Variants in MEFV observed in about 807,000 individuals in gnomAD.
The protein encoded by MEFV is pyrin.
A neutral mutation model predicts 62.5 loss-of-function variants in MEFV; 60 were observed. That is an observed-to-expected ratio of 0.96 (90% CI 0.78 to 1.19). The LOEUF (loss-of-function observed/expected upper bound fraction) is 1.19. Ranked by LOEUF, MEFV falls within the 50% of genes most tolerant of loss-of-function variation. MEFV has a pLI of 0.00. For synonymous variants in MEFV, 500 were observed against 415.2 expected (o/e 1.20, Z -2.48); for missense variants, 1,169 against 1,004.5 (o/e 1.16, Z -2.21).
At chr16:3,248,639 G>T in intron 4 of MEFV, 1 of 944,026 alleles carries the variant, frequency 1.1e-6, no homozygotes, top group Non-Finnish European at 1.5e-6. Context: ...CCATCTTTCT[G>T]CAGTAGTCAC....
At chr16:3,255,330 C>G (rs1475158800) in intron 1 of MEFV, among the ~76,000 whole-genome samples, 1 of 151,960 alleles carries the variant, frequency 6.6e-6, no homozygotes, top group South Asian at 2.1e-4. Flanking sequence ...AACAAAAGTT[C>G]AGGACTTCCT....
chr16:3,246,887 G>C (rs921522638), intron 5 of MEFV, 129 bp downstream of exon 5: 30 of 926,774 alleles, frequency 3.2e-5, no homozygotes, highest in Non-Finnish European at 5.0e-5. Flanking sequence ...GGGTCACCAA[G>C]ACCAAGTCCT....
In MEFV at chr16:3,249,726, G is replaced by T. The variant is rs761105176; in HGVS notation, c.965C>A (p.Pro322Gln). ...ATCACGCACACAGGTACCGTCAACT[G>T]GGTCTCCTTCCTGGGCGTGGCAGCG... ...SPRCHAQEGD[P>Q]VDGTCVRDSC... Residue 322 changes from proline to glutamine, a missense_variant, in exon 3 of 10, where the codon CCA (proline) becomes CAA (glutamine). Transcript: ENST00000219596. The T allele has an allele frequency of 6.2e-7, 1 of 1,614,064 alleles. No homozygotes were observed. The highest frequency in any genetic ancestry group is 8.5e-7 in the Non-Finnish European group (1 of 1,179,924).
rs558576646 is a variant in MEFV at position 3,242,972 on chromosome 16, G to A, written c.*169C>T. ...TTCACCCGGATTGACTAACATGTTC[G>A]TTCCTAACTTACCTCTGCTATAATC... On this transcript the variant is annotated 3_prime_UTR_variant, in exon 10 of 10. Coordinates refer to ENST00000219596, the MANE Select transcript of MEFV (RefSeq NM_000243.3). 7.9e-5 allele frequency: 57 copies of A among 717,574 alleles called. No individual in the cohort carries two copies. Among genetic ancestry groups the A allele is most frequent in the African/African-American group, 7.5e-4 (43 of 57,470 alleles). The allele number at this position is 717,574 out of a possible 1,614,324, so 44.5% of individuals were successfully genotyped here.
At position 3,243,866 on chromosome 16, in the gene MEFV, G is replaced by A. The variant is rs2141665451; in HGVS notation, c.1786C>T (p.His596Tyr). The change falls in exon 9 of 10, where the codon CAT (histidine) becomes TAT (tyrosine). Residue 596 changes from histidine to tyrosine, a missense_variant. His to Tyr is a moderately conservative substitution (Grantham distance 83). Coordinates refer to ENST00000219596, the MANE Select transcript of MEFV (RefSeq NM_000243.3). ...NVPELIGAQA[H>Y]AVNVILDAET... ...CCTTGATCTGGGCACTTACCAGCAT[G>A]TGCCTGAGCGCCAATCAGCTCCGGA... 6.2e-7 allele frequency: 1 copy of A among 1,613,956 alleles called. No individual in the cohort carries two copies. Among genetic ancestry groups the A allele is most frequent in the Middle Eastern group, 1.6e-4 (1 of 6,062 alleles).
chr16:3,249,349 C>A (rs1421519765), intron 3 of MEFV, 82 bp downstream of exon 3: 1 of 1,296,262 alleles, frequency 7.7e-7, no homozygotes, highest in East Asian at 2.3e-5. Context: ...CACCAACAAC[C>A]CAGAGTTGTT....
chr16:3,248,613 T>C, intron 4 of MEFV: 1 of 673,558 alleles, frequency 1.5e-6, no homozygotes, highest in East Asian at 4.9e-5. Flanking sequence ...GGCGTTCTCC[T>C]CCCTTTTCCT....
rs549937754 is a variant in MEFV at position 3,242,940 on chromosome 16, A to G, written c.*201T>C. 2.8e-5 allele frequency: 18 copies of G among 637,170 alleles called. No homozygotes were observed. In the South Asian group the frequency reaches 3.2e-4, roughly 11 times the overall value. 39.5% of individuals were successfully genotyped at this position (637,170 alleles called of 1,614,324 possible). ...CTGAAATCCATGGTGTGTCATCAGT[A>G]CATGTCTTCACCCGGATTGACTAAC... On this transcript the variant is annotated 3_prime_UTR_variant, in exon 10 of 10. Coordinates refer to ENST00000219596, the MANE Select transcript of MEFV (RefSeq NM_000243.3).
chr16:3,245,854 T>C (rs911327415), intron 6 of MEFV, among the ~76,000 whole-genome samples: 2 of 152,190 alleles, frequency 1.3e-5, no homozygotes, highest in African/African-American at 4.8e-5. Context: ...AAGCAGGGTC[T>C]CAAGCAGATA....
intron 1 of MEFV, among the ~76,000 whole-genome samples, chr16:3,255,801 C>T (rs62034706): frequency 2.8e-4 from 43 of 152,072 alleles, no homozygotes; most frequent in Non-Finnish European, 4.0e-4. Flanking sequence ...CCAGATTATA[C>T]GCTTTAAAAA....
At chr16:3,244,970 G>A (rs1369107894) in intron 6 of MEFV, among the ~76,000 whole-genome samples, 1 of 152,018 alleles carries the variant, frequency 6.6e-6, no homozygotes, top group African/African-American at 2.4e-5. Flanking sequence ...CCATTAGAAT[G>A]GCTATTATAA....
chr16:3,249,302 G>T (rs1596354522), intron 3 of MEFV, 129 bp downstream of exon 3: 33 of 872,626 alleles, frequency 3.8e-5, no homozygotes, highest in Non-Finnish European at 5.7e-5. Context: ...TTTATATTGT[G>T]TTCTTGCCAT....
chr16:3,252,710 G>T (rs567543481), intron 2 of MEFV, among the ~76,000 whole-genome samples: 2 of 151,626 alleles, frequency 1.3e-5, no homozygotes, highest in South Asian at 2.1e-4. Flanking sequence ...AGGCTAAGGC[G>T]GGGGATCGCT....
intron 6 of MEFV, 73 bp from the exon 7 acceptor site, chr16:3,244,661 G>C (rs1189143297): frequency 2.7e-6 from 3 of 1,124,196 alleles, no homozygotes; most frequent in Non-Finnish European, 4.0e-6. Flanking sequence ...AGCTGGAAAT[G>C]AACTACATTC....
intron 2 of MEFV, 40 bp from the exon 3 acceptor site, chr16:3,249,820 C>T: frequency 6.4e-7 from 1 of 1,555,808 alleles, no homozygotes; most frequent in Non-Finnish European, 8.8e-7. Context: ...AATGGCAAAC[C>T]CAAGTTGCTT....
Position 3,242,946 on chromosome 16 carries a change from C to G in MEFV, c.*195G>C. The G allele has an allele frequency of 1.5e-6, 1 of 650,694 alleles. No individual in the cohort carries two copies. The highest frequency in any genetic ancestry group is 2.7e-6 in the Non-Finnish European group (1 of 366,878). The allele number at this position is 650,694 out of a possible 1,614,324, so 40.3% of individuals were successfully genotyped here. ...TCCATGGTGTGTCATCAGTACATGT[C>G]TTCACCCGGATTGACTAACATGTTC... On this transcript the variant is annotated 3_prime_UTR_variant, in exon 10 of 10. Coordinates refer to ENST00000219596, the MANE Select transcript of MEFV (RefSeq NM_000243.3).
In MEFV at chr16:3,254,321, T is replaced by C. The variant is rs369527857; in HGVS notation, c.747A>G (p.Thr249=). 3 of 1,614,090 alleles carry C rather than the reference T, an allele frequency of 1.9e-6. No homozygotes were observed. Among genetic ancestry groups the C allele is most frequent in the Non-Finnish European group, 2.5e-6 (3 of 1,180,034 alleles). The change falls in exon 2 of 10, where the codon ACA becomes ACG. Residue 249 remains threonine, a synonymous_variant. Transcript: ENST00000219596. ...RPRSLEVTIS[T]GEKAPANPEI... is the part of the protein sequence containing the mutation. Reference sequence around the variant, plus strand: ...CTGGATTTGCGGGCGCCTTCTCCCCTGTAGAAATGGTGACCTCAAGGCTTC... The same window carrying C: ...CTGGATTTGCGGGCGCCTTCTCCCCCGTAGAAATGGTGACCTCAAGGCTTC...
intron 2 of MEFV, among the ~76,000 whole-genome samples, chr16:3,250,934 G>T (rs1372726287): frequency 1.4e-5 from 2 of 144,314 alleles, no homozygotes; most frequent in Admixed American, 7.2e-5. Context: ...TGAGGCAGGA[G>T]AATTGCTTGA....
intron 2 of MEFV, among the ~76,000 whole-genome samples, chr16:3,252,285 T>C (rs1345581333): frequency 3.3e-5 from 5 of 150,928 alleles, no homozygotes; most frequent in Non-Finnish European, 5.9e-5. Context: ...TTTTTTTTTT[T>C]TTTTTGAGAC....
Sources: allele counts gnomAD v4.1 joint callset (sites outside exome capture counted in the v4.1 genomes callset), GRCh38; gene constraint gnomAD v4.1.1; transcripts MANE v1.5; gene names NCBI Gene and HGNC (gene_info 2026-07-23, HGNC 2026-07-21).